The following PAFAH1B1 variants were observed in gnomAD, a reference collection of about 807,000 sequenced individuals.
The protein encoded by PAFAH1B1 is platelet activating factor acetylhydrolase 1b regulatory subunit 1.
A neutral mutation model predicts 57.5 loss-of-function variants in PAFAH1B1; 2 were observed. The ratio of observed to expected loss-of-function variants is 0.03; its 90% CI spans 0.01 to 0.11. The LOEUF is 0.11. Among genes scored for constraint, PAFAH1B1 ranks in the 10% least tolerant of loss-of-function variants. PAFAH1B1 has a pLI of 1.00. For missense variants in PAFAH1B1, 257 were observed against 512.0 expected, an observed-to-expected ratio of 0.50 and a Z score of 4.81; for synonymous variants, 152 against 169.6, an observed-to-expected ratio of 0.90 and a Z score of 0.81.
intron 2 of PAFAH1B1, among the ~76,000 whole-genome samples, chr17:2,639,140 C>T (rs1597542961): frequency 1.3e-5 from 2 of 151,998 alleles, no homozygotes; most frequent in African/African-American, 2.4e-5. Flanking sequence ...CCTCGTGATC[C>T]GCCTGCCTCG....
chr17:2,655,181 A>ATG (rs1436866557), intron 2 of PAFAH1B1, among the ~76,000 whole-genome samples: 190 of 122,742 alleles, frequency 1.5e-3, no homozygotes, highest in East Asian at 5.8e-3. Context: ...ATATATACAT[A>ATG]TATGTGTGTG....
intron 1 of PAFAH1B1, among the ~76,000 whole-genome samples, chr17:2,619,571 TC>T (rs2068393116): frequency 6.6e-6 from 1 of 151,814 alleles, no homozygotes; most frequent in Admixed American, 6.6e-5. Context: ...CAGGAGATGT[TC>T]CTGAATTACC....
chr17:2,622,273 A>T (rs1320440453), intron 1 of PAFAH1B1, among the ~76,000 whole-genome samples: 1 of 152,178 alleles, frequency 6.6e-6, no homozygotes, highest in East Asian at 1.9e-4. Flanking sequence ...GCATTAACCC[A>T]AAAGTCCACA....
At chr17:2,672,172 T>C (rs1009730125) in intron 6 of PAFAH1B1, among the ~76,000 whole-genome samples, 4 of 149,084 alleles carry the variant, frequency 2.7e-5, no homozygotes, top group African/African-American at 9.9e-5. Context: ...TAGTTCCAGC[T>C]ACCCGACAGG....
At chr17:2,602,176 C>G (rs1265726190) in intron 1 of PAFAH1B1, among the ~76,000 whole-genome samples, 1 of 151,892 alleles carries the variant, frequency 6.6e-6, no homozygotes. Flanking sequence ...TTCAAGCTTT[C>G]TGGCTCTTCG....
intron 2 of PAFAH1B1, among the ~76,000 whole-genome samples, chr17:2,662,309 T>G (rs2069025865): frequency 1.3e-5 from 2 of 152,082 alleles, no homozygotes. Flanking sequence ...TAAAAGTCCT[T>G]CATCTCAGTT....
chr17:2,645,112 TG>T (rs1388100133), intron 2 of PAFAH1B1, among the ~76,000 whole-genome samples: 2 of 152,036 alleles, frequency 1.3e-5, no homozygotes, highest in East Asian at 3.9e-4. Flanking sequence ...CCGGTTGTGG[TG>T]GCAGGCACCT....
In PAFAH1B1 at chr17:2,593,694, G is replaced by C; in HGVS notation, c.-503G>C. 1 of 326,894 alleles carries C rather than the reference G, an allele frequency of 3.1e-6. No homozygotes were observed. The highest frequency in any genetic ancestry group is 5.5e-6 in the Non-Finnish European group (1 of 181,852). 20.2% of individuals were successfully genotyped at this position (326,894 alleles called of 1,614,324 possible). ...GGCGGGGCGGCGGCGGAGTCCGGCGGCCGGGAGAGCGAGTGAGCGAGCGGA... is the reference window on the plus strand; with the variant it reads ...GGCGGGGCGGCGGCGGAGTCCGGCGCCCGGGAGAGCGAGTGAGCGAGCGGA... On this transcript the variant is annotated 5_prime_UTR_variant, in exon 1 of 11. Transcript: ENST00000397195.
intron 2 of PAFAH1B1, among the ~76,000 whole-genome samples, chr17:2,650,034 A>G (rs1413805553): frequency 6.6e-6 from 1 of 152,166 alleles, no homozygotes; most frequent in Admixed American, 6.6e-5. Context: ...ATGTAGAAAC[A>G]AAAGGAAGAC....
chr17:2,637,416 C>CA (rs10712058), intron 1 of PAFAH1B1, among the ~76,000 whole-genome samples: 1 of 151,388 alleles, frequency 6.6e-6, no homozygotes, highest in Non-Finnish European at 1.5e-5. Flanking sequence ...CCTGTCTCTA[C>CA]AAAAAAAAAA....
intron 5 of PAFAH1B1, among the ~76,000 whole-genome samples, chr17:2,669,696 A>G (rs2069154688): frequency 6.6e-6 from 1 of 152,100 alleles, no homozygotes; most frequent in East Asian, 1.9e-4. Context: ...GTATTCATCC[A>G]TTGTTCCTCA....
chr17:2,643,596 G>C (rs1211089076), intron 2 of PAFAH1B1, among the ~76,000 whole-genome samples: 1 of 149,212 alleles, frequency 6.7e-6, no homozygotes, highest in African/African-American at 2.5e-5. Flanking sequence ...GGCTTTCTCT[G>C]TTGCCCAGAC....
chr17:2,601,198 G>A (rs1157013897), intron 1 of PAFAH1B1, among the ~76,000 whole-genome samples: 2 of 151,962 alleles, frequency 1.3e-5, no homozygotes, highest in African/African-American at 4.8e-5. Flanking sequence ...GCAGTGTTGC[G>A]ATCTTGGCTC....
At chr17:2,643,908 G>A (rs771966206) in intron 2 of PAFAH1B1, among the ~76,000 whole-genome samples, 2 of 151,876 alleles carry the variant, frequency 1.3e-5, no homozygotes, top group Non-Finnish European at 2.9e-5. Context: ...AACCCCTTTC[G>A]CCCAGGCTGG....
intron 1 of PAFAH1B1, among the ~76,000 whole-genome samples, chr17:2,605,496 A>G (rs1458768922): frequency 6.6e-6 from 1 of 152,182 alleles, no homozygotes; most frequent in Non-Finnish European, 1.5e-5. Flanking sequence ...CTAAATGGGC[A>G]CTCAAAGACT....
At chr17:2,676,322 G>T (rs922355469) in intron 8 of PAFAH1B1, 183 bp from the exon 9 acceptor site, 7 of 558,296 alleles carry the variant, frequency 1.3e-5, no homozygotes, top group Admixed American at 2.8e-5. Context: ...AGGTTGCAGT[G>T]ACCCAAGATT....
At chr17:2,676,431 TTAGA>T in intron 8 of PAFAH1B1, 70 bp from the exon 9 acceptor site, 3 of 914,354 alleles carry the variant, frequency 3.3e-6, no homozygotes, top group South Asian at 2.7e-5. Flanking sequence ...TATATCATTA[TTAGA>T]TAGAAGCCAT....
At chr17:2,653,252 A>G (rs1227215038) in intron 2 of PAFAH1B1, among the ~76,000 whole-genome samples, 1 of 152,098 alleles carries the variant, frequency 6.6e-6, no homozygotes, top group African/African-American at 2.4e-5. Context: ...GGGGAACATC[A>G]CACACCAGGG....
Position 2,683,886 on chromosome 17 carries a change from A to C in PAFAH1B1, c.*2084A>C, listed in dbSNP as rs1421987490. 1 of 152,638 alleles carries C rather than the reference A, an allele frequency of 6.6e-6. No individual in the cohort carries two copies. The highest frequency in any genetic ancestry group is 2.4e-5 in the African/African-American group (1 of 41,458). 9.5% of individuals were successfully genotyped at this position (152,638 alleles called of 1,614,324 possible). ...CTTAACATTTGTTTGTACATGTATA[A>C]ATGTCTTGTATTTTAATTCATTTTT... On this transcript the variant is annotated 3_prime_UTR_variant, in exon 11 of 11. Coordinates refer to ENST00000397195, the MANE Select transcript of PAFAH1B1 (RefSeq NM_000430.4).
Sources: allele counts gnomAD v4.1 joint callset (sites outside exome capture counted in the v4.1 genomes callset), GRCh38; gene constraint gnomAD v4.1.1; transcripts MANE v1.5; gene names NCBI Gene and HGNC (gene_info 2026-07-23, HGNC 2026-07-21).